Variants in CATSPERB observed in about 807,000 individuals in gnomAD.
The protein encoded by CATSPERB is catsper channel auxiliary subunit beta.
In CATSPERB, 93 loss-of-function variants were observed where a neutral mutation model predicts 128.3. The ratio of observed to expected loss-of-function variants is 0.72; its 90% CI spans 0.61 to 0.86. The LOEUF (loss-of-function observed/expected upper bound fraction) is 0.86, where lower values mean the gene tolerates loss of function less well. CATSPERB is among the 40% of genes least tolerant of loss of function. The pLI, the probability that CATSPERB is intolerant of heterozygous loss-of-function variation, is 0.00. For missense variants in CATSPERB, 1,153 were observed against 1,329.5 expected, an observed-to-expected ratio of 0.87 and a Z score of 2.06; for synonymous variants, 381 against 448.8, an observed-to-expected ratio of 0.85 and a Z score of 1.91.
intron 17 of CATSPERB, chr14:91,635,750 A>C (rs1894362374): frequency 6.6e-6 from 1 of 152,172 alleles, no homozygotes; most frequent in South Asian, 2.1e-4. Flanking sequence ...AATTCTGTAT[A>C]TTGTTCAATG....
chr14:91,712,609 G>C (rs1482603265), intron 5 of CATSPERB, among the ~76,000 whole-genome samples: 1 of 152,180 alleles, frequency 6.6e-6, no homozygotes, highest in Non-Finnish European at 1.5e-5. Context: ...TCATGCATTT[G>C]TTTGTATGAT....
chr14:91,673,026 AAAG>A lies in CATSPERB; in HGVS notation c.979-13_979-11del, dbSNP rs376822522. On this transcript the variant is annotated splice_polypyrimidine_tract_variant and intron_variant, in intron 12 of 26. Transcript: ENST00000256343. Reference sequence around the variant, plus strand: ...AAAAACAAGAGCTTGACTATAAAAAAAAGAAGGGAAAAATTAATGCTGTTTTTG... The same window carrying A: ...AAAAACAAGAGCTTGACTATAAAAAAAAGGGAAAAATTAATGCTGTTTTTG... 435 of 1,564,448 alleles carry A rather than the reference AAAG, an allele frequency of 2.8e-4. 2 individuals carry two copies. In the African/African-American group the frequency reaches 4.9e-3, roughly 18 times the overall value.
At chr14:91,712,675 C>A (rs1211855178) in intron 5 of CATSPERB, among the ~76,000 whole-genome samples, 2 of 152,282 alleles carry the variant, frequency 1.3e-5, no homozygotes, top group African/African-American at 4.8e-5. Flanking sequence ...TTCATTCATT[C>A]ATTTTCTAGC....
At chr14:91,642,845 CT>C (rs1288160824) in intron 15 of CATSPERB, among the ~76,000 whole-genome samples, 2 of 137,504 alleles carry the variant, frequency 1.5e-5, no homozygotes, top group African/African-American at 2.7e-5. Flanking sequence ...GTCCTGGACT[CT>C]TTTTGGTTGG....
chr14:91,661,549 T>TATATATATATA, intron 14 of CATSPERB, among the ~76,000 whole-genome samples: 1 of 52,702 alleles, frequency 1.9e-5, no homozygotes, highest in Non-Finnish European at 4.0e-5. Flanking sequence ...ATATATATAT[T>TATATATATATA]TAAGACAGGG....
At position 91,589,854 on chromosome 14, in the gene CATSPERB, C is replaced by T. The variant is rs552274959; in HGVS notation, c.2821-185G>A. On this transcript the variant is annotated intron_variant, in intron 23 of 26. Transcript: ENST00000256343. ...GCAGAATCAATGTGAACTCCAAAGG[C>T]AGTATATACATTGTGGTAACAAAAC... Among the ~76,000 whole-genome samples, 54 of 152,320 alleles carry T rather than the reference C, an allele frequency of 3.5e-4. No homozygotes were observed. The South Asian group carries it at 0.011, about 30-fold the overall frequency.
At chr14:91,707,766 C>CTT (rs76649759) in intron 6 of CATSPERB, among the ~76,000 whole-genome samples, 10 of 128,034 alleles carry the variant, frequency 7.8e-5, no homozygotes, top group East Asian at 2.2e-4. Flanking sequence ...GCCTGGTTAA[C>CTT]TTTTTTTTTT....
intron 6 of CATSPERB, among the ~76,000 whole-genome samples, chr14:91,706,276 T>A (rs2139856097): frequency 6.6e-6 from 1 of 152,216 alleles, no homozygotes; most frequent in Middle Eastern, 3.4e-3. Flanking sequence ...CACCAGGAAG[T>A]CACTCCAGAA....
At chr14:91,630,540 G>A (rs1243091475) in intron 17 of CATSPERB, among the ~76,000 whole-genome samples, 4 of 152,080 alleles carry the variant, frequency 2.6e-5, no homozygotes, top group South Asian at 2.1e-4. Flanking sequence ...GGAAAATGGC[G>A]GTAGCGTCCT....
At chr14:91,665,112 C>A (rs185114702) in intron 14 of CATSPERB, among the ~76,000 whole-genome samples, 1 of 152,058 alleles carries the variant, frequency 6.6e-6, no homozygotes, top group East Asian at 1.9e-4. Flanking sequence ...AAGCTCGTCG[C>A]GAACTCCTGA....
At chr14:91,603,262 G>T in intron 22 of CATSPERB, 1 of 1,108,224 alleles carries the variant, frequency 9.0e-7, no homozygotes, top group Non-Finnish European at 1.4e-6. Context: ...TTCAAAGCCA[G>T]CATATATTAT....
At chr14:91,651,762 G>A (rs1629927) in intron 15 of CATSPERB, among the ~76,000 whole-genome samples, 29,526 of 152,076 alleles carry the variant, frequency 0.19, 3,075 homozygotes, top group African/African-American at 0.25. Context: ...GTTGATTACA[G>A]TGACAACCAT....
intron 2 of CATSPERB, among the ~76,000 whole-genome samples, chr14:91,728,781 G>C (rs1896161418): frequency 6.6e-6 from 1 of 152,172 alleles, no homozygotes; most frequent in Non-Finnish European, 1.5e-5. Context: ...CCACACAAGT[G>C]TAACCACCAA....
chr14:91,730,642 G>A (rs567208144), intron 1 of CATSPERB, among the ~76,000 whole-genome samples: 5 of 152,114 alleles, frequency 3.3e-5, no homozygotes, highest in African/African-American at 4.8e-5. Flanking sequence ...TCTGACCTAG[G>A]AGTCTTGTGT....
intron 21 of CATSPERB, among the ~76,000 whole-genome samples, 154 bp downstream of exon 21, chr14:91,610,326 A>G (rs1375591133): frequency 6.6e-6 from 1 of 152,262 alleles, no homozygotes. Flanking sequence ...CTTAGAAATC[A>G]TCACATCCTC....
chr14:91,661,668 G>T (rs1894888003), intron 14 of CATSPERB, among the ~76,000 whole-genome samples: 2 of 151,736 alleles, frequency 1.3e-5, no homozygotes, highest in African/African-American at 2.4e-5. Context: ...AAGTAGCTGG[G>T]ACTACAGGCA....
At chr14:91,720,277 T>C (rs1221469625) in intron 4 of CATSPERB, among the ~76,000 whole-genome samples, 1 of 151,772 alleles carries the variant, frequency 6.6e-6, no homozygotes, top group Non-Finnish European at 1.5e-5. Context: ...ATATTCAAAA[T>C]GCTGAAATAA....
At chr14:91,617,024 C>T (rs1255098979) in intron 20 of CATSPERB, among the ~76,000 whole-genome samples, 3 of 152,030 alleles carry the variant, frequency 2.0e-5, no homozygotes, top group African/African-American at 4.8e-5. Context: ...GGATTACAGG[C>T]GTGAGCCACC....
intron 11 of CATSPERB, among the ~76,000 whole-genome samples, chr14:91,677,921 G>A (rs1055386536): frequency 4.6e-5 from 7 of 152,168 alleles, no homozygotes; most frequent in African/African-American, 7.2e-5. Context: ...CATGTCCTTT[G>A]CAGGGACATG....
Sources: allele counts gnomAD v4.1 joint callset (sites outside exome capture counted in the v4.1 genomes callset), GRCh38; gene constraint gnomAD v4.1.1; transcripts MANE v1.5; gene names NCBI Gene and HGNC (gene_info 2026-07-23, HGNC 2026-07-21).